GRIK2: variants seen among roughly 807,000 people sequenced by gnomAD.
The protein encoded by GRIK2 is glutamate receptor ionotropic, kainate 2.
In GRIK2, 32 loss-of-function variants were observed where a neutral mutation model predicts 100.3. The ratio of observed to expected loss-of-function variants is 0.32; its 90% CI spans 0.24 to 0.43. GRIK2 has a LOEUF of 0.43. Among genes scored for constraint, GRIK2 ranks in the 20% least tolerant of loss-of-function variants. The pLI, the probability that GRIK2 is intolerant of heterozygous loss-of-function variation, is 1.00. For synonymous variants in GRIK2, 417 were observed against 389.4 expected, an observed-to-expected ratio of 1.07 and a Z score of -0.83; for missense variants, 843 against 1,114.9, an observed-to-expected ratio of 0.76 and a Z score of 3.47.
intron 4 of GRIK2, among the ~76,000 whole-genome samples, chr6:101,670,155 A>G (rs923857726): frequency 6.6e-6 from 1 of 152,162 alleles, no homozygotes; most frequent in African/African-American, 2.4e-5. Flanking sequence ...AAAATGCCAG[A>G]GTCAAACTGT....
chr6:101,865,137 G>A (rs1017981574), intron 11 of GRIK2, among the ~76,000 whole-genome samples: 2 of 152,144 alleles, frequency 1.3e-5, no homozygotes, highest in Admixed American at 1.3e-4. Context: ...TTAAAAAACC[G>A]GAATGAGAAA....
chr6:101,797,964 T>G (rs1227662546), intron 7 of GRIK2, among the ~76,000 whole-genome samples: 1 of 150,964 alleles, frequency 6.6e-6, no homozygotes, highest in South Asian at 2.1e-4. Context: ...AAAACATGAT[T>G]TTTTAGTGCT....
At chr6:101,503,683 G>A (rs1192931058) in intron 2 of GRIK2, among the ~76,000 whole-genome samples, 1 of 152,146 alleles carries the variant, frequency 6.6e-6, no homozygotes, top group Admixed American at 6.5e-5. Context: ...CATGATTTAT[G>A]TAAATTTTAG....
At chr6:101,769,772 G>A (rs769782725) in intron 7 of GRIK2, among the ~76,000 whole-genome samples, 47 of 152,288 alleles carry the variant, frequency 3.1e-4, no homozygotes, top group Middle Eastern at 6.8e-3. Flanking sequence ...TGAAAATAAA[G>A]CATTGTAATG....
At chr6:101,717,125 A>G (rs1774130366) in intron 7 of GRIK2, among the ~76,000 whole-genome samples, 1 of 151,474 alleles carries the variant, frequency 6.6e-6, no homozygotes, top group Non-Finnish European at 1.5e-5. Flanking sequence ...AAGAATGGAA[A>G]GTGTTTGGAT....
At chr6:101,879,570 A>C (rs1786101690) in intron 11 of GRIK2, among the ~76,000 whole-genome samples, 1 of 151,932 alleles carries the variant, frequency 6.6e-6, no homozygotes. Context: ...CTAGTCCTAA[A>C]GTCACATCAT....
chr6:101,810,439 T>C (rs901228391), intron 9 of GRIK2, among the ~76,000 whole-genome samples: 2 of 152,048 alleles, frequency 1.3e-5, no homozygotes, highest in African/African-American at 2.4e-5. Flanking sequence ...AGTTCTCGAA[T>C]GGTAAAATCC....
chr6:102,011,353 G>T (rs952072496), intron 14 of GRIK2, among the ~76,000 whole-genome samples: 1 of 151,996 alleles, frequency 6.6e-6, no homozygotes. Context: ...CCTTGGTAAG[G>T]TGTCTGTTTT....
At chr6:101,760,804 C>G (rs996336262) in intron 7 of GRIK2, among the ~76,000 whole-genome samples, 2 of 143,062 alleles carry the variant, frequency 1.4e-5, no homozygotes, top group South Asian at 2.1e-4. Context: ...AAGCTGTGTA[C>G]TATTTTATGT....
chr6:101,797,135 T>C (rs1042525493), intron 7 of GRIK2, among the ~76,000 whole-genome samples: 5 of 152,070 alleles, frequency 3.3e-5, no homozygotes, highest in Non-Finnish European at 7.4e-5. Context: ...TTATAGATTG[T>C]ATTCTTTTAG....
chr6:101,495,959 A>C (rs1773420789), intron 2 of GRIK2, among the ~76,000 whole-genome samples: 1 of 151,908 alleles, frequency 6.6e-6, no homozygotes. Flanking sequence ...TTTCTTTTTT[A>C]TTTTTAGATG....
At chr6:101,793,617 A>C (rs1240734925) in intron 7 of GRIK2, among the ~76,000 whole-genome samples, 1 of 151,960 alleles carries the variant, frequency 6.6e-6, no homozygotes, top group Non-Finnish European at 1.5e-5. Context: ...GTCTGCCCCT[A>C]CTGGGGGGTG....
At chr6:101,985,361 TATAATATG>T (rs1793964014) in intron 14 of GRIK2, among the ~76,000 whole-genome samples, 2 of 151,924 alleles carry the variant, frequency 1.3e-5, no homozygotes, top group South Asian at 4.1e-4. Context: ...TATTAGGTCT[TATAATATG>T]ATAAAGTTTC....
At chr6:101,433,680 C>T (rs1459538788) in intron 2 of GRIK2, among the ~76,000 whole-genome samples, 1 of 151,460 alleles carries the variant, frequency 6.6e-6, no homozygotes, top group Non-Finnish European at 1.5e-5. Flanking sequence ...TTTCTTTATG[C>T]TGAAGAGCAA....
At chr6:101,454,166 T>C (rs561339975) in intron 2 of GRIK2, among the ~76,000 whole-genome samples, 2 of 152,234 alleles carry the variant, frequency 1.3e-5, no homozygotes, top group Admixed American at 1.3e-4. Context: ...TTTTCTTTGA[T>C]TGGTATCATC....
intron 4 of GRIK2, among the ~76,000 whole-genome samples, chr6:101,665,927 T>C (rs1170483379): frequency 6.6e-6 from 1 of 152,054 alleles, no homozygotes; most frequent in East Asian, 1.9e-4. Flanking sequence ...GGTACAGAGA[T>C]GGAGAACTAG....
intron 11 of GRIK2, among the ~76,000 whole-genome samples, chr6:101,877,342 A>AT (rs1785929318): frequency 6.6e-6 from 1 of 151,886 alleles, no homozygotes; most frequent in Non-Finnish European, 1.5e-5. Context: ...CATGCAGACT[A>AT]TTTTTTGCTT....
At chr6:101,436,174 A>G (rs547757926) in intron 2 of GRIK2, among the ~76,000 whole-genome samples, 1 of 152,254 alleles carries the variant, frequency 6.6e-6, no homozygotes, top group African/African-American at 2.4e-5. Flanking sequence ...GTTGATGTAC[A>G]TGTGTATATA....
At chr6:101,535,668 T>C (rs1775656591) in intron 2 of GRIK2, among the ~76,000 whole-genome samples, 1 of 151,844 alleles carries the variant, frequency 6.6e-6, no homozygotes, top group Non-Finnish European at 1.5e-5. Flanking sequence ...TGTTGATTTC[T>C]TTCCTACTTA....
Sources: allele counts gnomAD v4.1 joint callset (sites outside exome capture counted in the v4.1 genomes callset), GRCh38; gene constraint gnomAD v4.1.1; transcripts MANE v1.5; gene names NCBI Gene and HGNC (gene_info 2026-07-23, HGNC 2026-07-21).